Variants in ZFC3H1 observed in about 807,000 individuals in gnomAD.
ZFC3H1 encodes zinc finger C3H1-type containing, also known as zinc finger C3H1 domain-containing protein.
Under a neutral mutation model 243.7 loss-of-function variants are expected in ZFC3H1, and 71 were observed. The observed-to-expected ratio is 0.29, with a 90% CI of 0.24 to 0.36. ZFC3H1 has a LOEUF of 0.36. Among genes scored for constraint, ZFC3H1 ranks in the 10% least tolerant of loss-of-function variants. The probability of loss-of-function intolerance (pLI) is 1.00; values close to 1 mark genes in which losing one functional copy is unlikely to be tolerated. For missense variants in ZFC3H1, 1,966 were observed against 2,317.1 expected (o/e 0.85, Z 3.11); for synonymous variants, 838 against 813.0 (o/e 1.03, Z -0.52).
chr12:71,653,681 T>G (rs1880945502), intron 2 of ZFC3H1, among the ~76,000 whole-genome samples: 1 of 152,224 alleles, frequency 6.6e-6, no homozygotes, highest in Non-Finnish European at 1.5e-5. Flanking sequence ...TAGATGAGTT[T>G]TGAAAATCAA....
intron 22 of ZFC3H1, among the ~76,000 whole-genome samples, chr12:71,625,549 A>G (rs1328763421): frequency 2.0e-5 from 3 of 152,120 alleles, no homozygotes; most frequent in Non-Finnish European, 1.5e-5. Flanking sequence ...AAAACTATCC[A>G]GGCATGGTAG....
At chr12:71,633,544 C>A (rs931062704) in intron 12 of ZFC3H1, 106 bp from the exon 13 acceptor site, 9 of 815,290 alleles carry the variant, frequency 1.1e-5, no homozygotes, top group African/African-American at 1.1e-4. Flanking sequence ...AATGCATCTA[C>A]GAGACACAGA....
At chr12:71,645,908 G>A (rs1471037594) in intron 3 of ZFC3H1, among the ~76,000 whole-genome samples, 2 of 152,118 alleles carry the variant, frequency 1.3e-5, no homozygotes, top group Non-Finnish European at 2.9e-5. Flanking sequence ...ATAAGGGGTG[G>A]GAGGATAGCT....
intron 27 of ZFC3H1, among the ~76,000 whole-genome samples, chr12:71,618,082 C>T (rs946913216): frequency 1.2e-4 from 18 of 151,872 alleles, no homozygotes; most frequent in South Asian, 4.2e-4. Context: ...CTGGGTAACA[C>T]GGTGAAACCT....
intron 31 of ZFC3H1, 24 bp from the exon 32 acceptor site, chr12:71,611,911 G>C (rs765081818): frequency 1.3e-6 from 2 of 1,500,284 alleles, no homozygotes; most frequent in South Asian, 1.2e-5. Context: ...TCAGGAAAAT[G>C]AACAAAGCAT....
At chr12:71,654,764 G>C (rs1880974672) in intron 2 of ZFC3H1, among the ~76,000 whole-genome samples, 1 of 151,902 alleles carries the variant, frequency 6.6e-6, no homozygotes, top group Admixed American at 6.6e-5. Flanking sequence ...CAAGCTAAAG[G>C]ACAAAGATTG....
intron 1 of ZFC3H1, among the ~76,000 whole-genome samples, chr12:71,658,200 A>C (rs1325015857): frequency 1.3e-5 from 2 of 151,728 alleles, no homozygotes; most frequent in African/African-American, 4.8e-5. Flanking sequence ...ATACACGAGA[A>C]TTGTTATACC....
At position 71,645,056 on chromosome 12, in the gene ZFC3H1, T is replaced by G; in HGVS notation, c.1100A>C (p.Glu367Ala). 2 of 1,603,500 alleles carry G rather than the reference T, an allele frequency of 1.2e-6. No homozygotes were observed. Among genetic ancestry groups the G allele is most frequent in the African/African-American group, 2.7e-5 (2 of 74,142 alleles). ...GCGAAGCTGTAATTCAGATAGTTCC[T>G]CTTCATCTTCACCAAGTTTCTTTAA... The part of the protein sequence containing the change: ...LSEKKLGEDE[E>A]ELSELQLRLL... The change falls in exon 4 of 35, where the codon GAG becomes GCG. Residue 367 changes from glutamate to alanine, a missense_variant. This residue lies in a region of ZFC3H1 where 91 missense variants were observed against 107.6 expected (regional missense o/e 0.85). Coordinates refer to ENST00000378743, the MANE Select transcript of ZFC3H1 (RefSeq NM_144982.5).
chr12:71,656,211 T>A (rs1332975594), intron 2 of ZFC3H1: 1 of 204,020 alleles, frequency 4.9e-6, no homozygotes, highest in Non-Finnish European at 9.7e-6. Context: ...TGGTGATGGT[T>A]ACCCACTGTC....
At position 71,636,600 on chromosome 12, in the gene ZFC3H1, G is replaced by C. The variant is rs760359287; in HGVS notation, c.1990C>G (p.Pro664Ala). Reference protein sequence around the residue: ...PSPPVLNNSHPVPRSNLSIVS... With the variant: ...PSPPVLNNSHAVPRSNLSIVS... Reference sequence around the variant, plus strand: ...ATTGATAGATTGCTTCTTGGCACAGGATGTGAATTGTTCAGAACTGGAGGT... The same window carrying C: ...ATTGATAGATTGCTTCTTGGCACAGCATGTGAATTGTTCAGAACTGGAGGT... The change falls in exon 9 of 35, where the codon CCT becomes GCT. Residue 664 changes from proline (P) to alanine (A), a missense_variant. Physicochemically the swap from Pro to Ala is conservative, Grantham distance 27. Around this residue, in one of 4 missense-constraint regions of ZFC3H1, gnomAD observed 1,383 missense variants for 1,723.7 expected, o/e 0.80. Transcript: ENST00000378743. 16 of 1,613,858 alleles carry C rather than the reference G, an allele frequency of 9.9e-6. 1 individual carries two copies. The highest frequency in any genetic ancestry group is 1.4e-5 in the Non-Finnish European group (16 of 1,179,898).
intron 2 of ZFC3H1, among the ~76,000 whole-genome samples, chr12:71,654,968 C>T (rs533955106): frequency 6.6e-6 from 1 of 152,180 alleles, no homozygotes; most frequent in South Asian, 2.1e-4. Context: ...CAATTACCCA[C>T]CTTCAAAGTA....
At chr12:71,644,748 G>A in intron 4 of ZFC3H1, 129 bp downstream of exon 4, 1 of 1,053,416 alleles carries the variant, frequency 9.5e-7, no homozygotes, top group Non-Finnish European at 1.3e-6. Flanking sequence ...AACCTGGGAG[G>A]TGGAGGTTGC....
chr12:71,619,535 G>C, intron 26 of ZFC3H1, 126 bp from the exon 27 acceptor site: 1 of 805,168 alleles, frequency 1.2e-6, no homozygotes. Context: ...GTAAGGGGCG[G>C]AGGGGATAAG....
At chr12:71,629,793 T>A in intron 18 of ZFC3H1, 83 bp from the exon 19 acceptor site, 1 of 898,512 alleles carries the variant, frequency 1.1e-6, no homozygotes, top group Non-Finnish European at 1.8e-6. Flanking sequence ...TGAACTAGTT[T>A]AAGAATTAAA....
Position 71,627,950 on chromosome 12 carries a change from G to A in ZFC3H1, c.3947-16C>T. The A allele has an allele frequency of 6.2e-7, 1 of 1,604,020 alleles. No individual in the cohort carries two copies. Among genetic ancestry groups the A allele is most frequent in the Non-Finnish European group, 8.5e-7 (1 of 1,176,622 alleles). On this transcript the variant is annotated splice_polypyrimidine_tract_variant and intron_variant, in intron 20 of 34. Coordinates refer to ENST00000378743, the MANE Select transcript of ZFC3H1 (RefSeq NM_144982.5). Reference sequence around the variant, plus strand: ...GGCTGGAAAGCTATTTAAAAAAAAAGTATTATTAGCTTCACATTTTCTTTA... The same window carrying A: ...GGCTGGAAAGCTATTTAAAAAAAAAATATTATTAGCTTCACATTTTCTTTA...
chr12:71,634,842 AT>A lies in ZFC3H1; in HGVS notation c.2239-18del. 1 of 1,569,588 alleles carries A rather than the reference AT, an allele frequency of 6.4e-7. No individual in the cohort carries two copies. Among genetic ancestry groups the A allele is most frequent in the Non-Finnish European group, 8.6e-7 (1 of 1,166,940 alleles). On this transcript the variant is annotated intron_variant, in intron 10 of 34. Transcript: ENST00000378743. ...TGAAGCTTGCTAAAAAAAAAAAAACATTTGAAGTCAACTAGATCATCAGCTT... is the reference window on the plus strand; with the variant it reads ...TGAAGCTTGCTAAAAAAAAAAAAACATTGAAGTCAACTAGATCATCAGCTT...
At chr12:71,645,124 CT>C in intron 3 of ZFC3H1, 49 bp from the exon 4 acceptor site, 1 of 1,483,474 alleles carries the variant, frequency 6.7e-7, no homozygotes, top group Non-Finnish European at 9.0e-7. Flanking sequence ...TATTATTTAG[CT>C]TACACATTTC....
intron 1 of ZFC3H1, among the ~76,000 whole-genome samples, chr12:71,658,282 A>ATTTTTTTTTTTTT (rs11454442): frequency 2.2e-5 from 2 of 92,800 alleles, no homozygotes; most frequent in Non-Finnish European, 4.0e-5. Flanking sequence ...TCATTTATAG[A>ATTTTTTTTTTTTT]TTTTTTTTTT....
Position 71,663,071 on chromosome 12 carries a change from T to C in ZFC3H1, c.540A>G (p.Ala180=). 6.2e-7 allele frequency: 1 copy of C among 1,613,828 alleles called. No homozygotes were observed. The highest frequency in any genetic ancestry group is 1.1e-5 in the South Asian group (1 of 91,074). Residue 180 remains alanine (A), a synonymous_variant, in exon 1 of 35, where the codon GCA becomes GCG. Transcript: ENST00000378743. ...PGCRPPLGGG[A]GSGFSSSQSW... ...TCTGACTGCTGCTGAACCCGGATCC[T>C]GCTCCTCCTCCCAGAGGAGGTCTGC...
Sources: gnomAD v4.1 joint callset for allele counts (sites outside exome capture counted in the v4.1 genomes callset) on GRCh38, gnomAD v4.1.1 for gene constraint, gnomAD v4.1.1 regional missense constraint, MANE v1.5 for transcripts, NCBI Gene and HGNC (gene_info 2026-07-23, HGNC 2026-07-21) for gene names.